NAALADL2: variants seen among roughly 807,000 people sequenced by gnomAD.
NAALADL2 encodes inactive N-acetylated-alpha-linked acidic dipeptidase-like protein 2.
In NAALADL2, 76 loss-of-function variants were observed where a neutral mutation model predicts 87.2. The observed-to-expected ratio is 0.87, with a 90% confidence interval of 0.72 to 1.05. NAALADL2 has a LOEUF of 1.05. Ranked by LOEUF, NAALADL2 falls within the 50% of genes least tolerant of loss-of-function variation. NAALADL2 has a pLI of 0.00. For synonymous variants in NAALADL2, 354 were observed against 331.0 expected (o/e 1.07, Z -0.75); for missense variants, 1,089 against 945.8 (o/e 1.15, Z -1.99).
intron 1 of NAALADL2, among the ~76,000 whole-genome samples, chr3:174,472,367 T>C (rs954250050): frequency 2.0e-5 from 3 of 152,220 alleles, no homozygotes; most frequent in Non-Finnish European, 4.4e-5. Context: ...GCTAAGTTTA[T>C]GGCACTGCCA....
At position 174,444,723 on chromosome 3, in the gene NAALADL2, T is replaced by C. The variant is rs115655670; in HGVS notation, c.-184+3691T>C. Among the ~76,000 whole-genome samples the C allele has an allele frequency of 2.4e-3, 372 of 152,298 alleles. 1 individual carries two copies. Among genetic ancestry groups the C allele is most frequent in the African/African-American group, 8.7e-3 (361 of 41,582 alleles). The stretch of plus-strand genomic sequence containing the variant: ...AACTCTTTTCTGTTTAAGTACCAAG[T>C]GTGATCAAATGGAGAACAGTGTTGT... On this transcript the variant is annotated intron_variant, in intron 1 of 3. Transcript: ENST00000434257.
chr3:175,706,873 C>CCAGGGCA (rs1305240269), intron 11 of NAALADL2, among the ~76,000 whole-genome samples: 3 of 152,016 alleles, frequency 2.0e-5, no homozygotes, highest in African/African-American at 7.2e-5. Flanking sequence ...CTACTTTTAT[C>CCAGGGCA]CAGGGCACTC....
chr3:175,066,647 A>G (rs2109115323), intron 1 of NAALADL2, among the ~76,000 whole-genome samples: 1 of 152,262 alleles, frequency 6.6e-6, no homozygotes, highest in African/African-American at 2.4e-5. Flanking sequence ...CCTGGAAGAT[A>G]TTGTTAATAA....
chr3:175,225,172 G>A (rs1198047546), intron 2 of NAALADL2, among the ~76,000 whole-genome samples: 1 of 152,090 alleles, frequency 6.6e-6, no homozygotes, highest in Non-Finnish European at 1.5e-5. Context: ...TTGTCGCAGA[G>A]AGATGACATC....
At chr3:174,890,743 A>G (rs757696663) in intron 1 of NAALADL2, among the ~76,000 whole-genome samples, 9 of 152,198 alleles carry the variant, frequency 5.9e-5, no homozygotes, top group Non-Finnish European at 1.3e-4. Context: ...GTTTGTTTAT[A>G]TATCATTTGA....
chr3:175,280,348 C>T (rs1487230535), intron 4 of NAALADL2, among the ~76,000 whole-genome samples: 1 of 152,066 alleles, frequency 6.6e-6, no homozygotes, highest in African/African-American at 2.4e-5. Context: ...ACTGCCCCTC[C>T]TTCCCTTACC....
chr3:174,706,926 TG>T (rs1730126815), intron 2 of NAALADL2, among the ~76,000 whole-genome samples: 1 of 152,208 alleles, frequency 6.6e-6, no homozygotes, highest in African/African-American at 2.4e-5. Flanking sequence ...TTGTCAGGTT[TG>T]TCAAGAACTC....
chr3:174,947,256 G>T lies in NAALADL2; in HGVS notation c.43+87806G>T, dbSNP rs570270053. 1.7e-4 allele frequency among the ~76,000 whole-genome samples: 26 copies of T among 152,184 alleles called. 1 individual carries two copies. The South Asian group carries it at 5.0e-3, about 29-fold the overall frequency. The stretch of plus-strand genomic sequence containing the variant: ...GTCTTCTTTCAAATGCAACATGAGT[G>T]GGTTTTTTTGTTTGTTTGTTTTTTG... On this transcript the variant is annotated intron_variant, in intron 1 of 13. Coordinates refer to ENST00000454872, the MANE Select transcript of NAALADL2 (RefSeq NM_207015.3).
chr3:174,558,812 C>T (rs900203875), intron 2 of NAALADL2, among the ~76,000 whole-genome samples: 6 of 152,086 alleles, frequency 3.9e-5, no homozygotes, highest in Non-Finnish European at 8.8e-5. Context: ...ATCAGTTTAT[C>T]AAACATTTTG....
intron 2 of NAALADL2, among the ~76,000 whole-genome samples, chr3:175,200,531 A>G (rs1175787808): frequency 1.3e-5 from 2 of 152,160 alleles, no homozygotes; most frequent in Non-Finnish European, 2.9e-5. Context: ...AAAACGCTCA[A>G]TGTAATCCCT....
intron 2 of NAALADL2, among the ~76,000 whole-genome samples, chr3:175,167,750 C>G (rs1255471815): frequency 6.6e-6 from 1 of 152,064 alleles, no homozygotes; most frequent in East Asian, 1.9e-4. Flanking sequence ...TCTTCCTCAT[C>G]TTTTAGGTTT....
At chr3:174,808,074 C>T (rs1470505747) in intron 3 of NAALADL2, among the ~76,000 whole-genome samples, 1 of 152,064 alleles carries the variant, frequency 6.6e-6, no homozygotes, top group Non-Finnish European at 1.5e-5. Flanking sequence ...TGTTTTCAGA[C>T]TTGTGGAAAT....
At chr3:175,315,211 C>A (rs1395376404) in intron 4 of NAALADL2, among the ~76,000 whole-genome samples, 1 of 152,036 alleles carries the variant, frequency 6.6e-6, no homozygotes, top group African/African-American at 2.4e-5. Context: ...AGTCTAGCAC[C>A]CTGTATCAGG....
chr3:174,849,837 G>A (rs1053986095), intron 3 of NAALADL2, among the ~76,000 whole-genome samples: 14 of 150,220 alleles, frequency 9.3e-5, no homozygotes, highest in African/African-American at 3.2e-4. Context: ...TCCACGTCTT[G>A]TCTTGCTGGA....
intron 1 of NAALADL2, among the ~76,000 whole-genome samples, chr3:175,012,166 A>T (rs1347960580): frequency 6.6e-6 from 1 of 151,968 alleles, no homozygotes; most frequent in Non-Finnish European, 1.5e-5. Context: ...GAATTATTTT[A>T]TTTATTTATT....
At chr3:175,196,394 G>A (rs1738999320) in intron 2 of NAALADL2, among the ~76,000 whole-genome samples, 1 of 151,738 alleles carries the variant, frequency 6.6e-6, no homozygotes, top group Non-Finnish European at 1.5e-5. Context: ...AACCTCTTTA[G>A]GAAGATATCC....
At chr3:174,441,122 C>A (rs1055269112) in intron 1 of NAALADL2, 1 of 152,318 alleles carries the variant, frequency 6.6e-6, no homozygotes, top group African/African-American at 2.4e-5. Context: ...TCCGTGTCTC[C>A]TTGCTCCTCC....
At chr3:174,805,729 A>C (rs762707626) in intron 3 of NAALADL2, among the ~76,000 whole-genome samples, 1 of 152,308 alleles carries the variant, frequency 6.6e-6, no homozygotes, top group South Asian at 2.1e-4. Context: ...GGAGAACCCA[A>C]TGAATTATTT....
chr3:175,061,586 G>T (rs1277967074), intron 1 of NAALADL2, among the ~76,000 whole-genome samples: 4 of 152,028 alleles, frequency 2.6e-5, no homozygotes, highest in African/African-American at 7.2e-5. Context: ...TAAGTGGAAA[G>T]AAGGATATAG....
Sources: gnomAD v4.1 joint callset for allele counts (sites outside exome capture counted in the v4.1 genomes callset) on GRCh38, gnomAD v4.1.1 for gene constraint, MANE v1.5 for transcripts, NCBI Gene and HGNC (gene_info 2026-07-23, HGNC 2026-07-21) for gene names.